CDH18: variants seen among roughly 807,000 people sequenced by gnomAD.
CDH18 encodes the protein cadherin-18.
Under a neutral mutation model 67.9 loss-of-function variants are expected in CDH18, and 31 were observed. That is an observed-to-expected ratio of 0.46 (90% CI 0.34 to 0.62). The LOEUF (loss-of-function observed/expected upper bound fraction) is 0.62. Among genes scored for constraint, CDH18 ranks in the 20% least tolerant of loss-of-function variants. The probability of loss-of-function intolerance (pLI) is 0.01; values close to 1 mark genes in which losing one functional copy is unlikely to be tolerated. For synonymous variants in CDH18, 362 were observed against 347.2 expected, an observed-to-expected ratio of 1.04 and a Z score of -0.48; for missense variants, 890 against 975.5, an observed-to-expected ratio of 0.91 and a Z score of 1.17.
chr5:19,890,228 T>C (rs1218762313), intron 2 of CDH18, among the ~76,000 whole-genome samples: 6 of 152,100 alleles, frequency 3.9e-5, no homozygotes, highest in Admixed American at 3.9e-4. Flanking sequence ...CCTTCTGCCA[T>C]ATCAGAGCAC....
intron 3 of CDH18, among the ~76,000 whole-genome samples, chr5:19,786,456 A>G (rs1384476209): frequency 6.6e-6 from 1 of 152,126 alleles, no homozygotes; most frequent in African/African-American, 2.4e-5. Flanking sequence ...TGAAAATATT[A>G]TTTTCTAATT....
intron 1 of CDH18, among the ~76,000 whole-genome samples, chr5:20,280,407 G>A (rs2126696634): frequency 1.3e-5 from 2 of 152,108 alleles, no homozygotes; most frequent in East Asian, 3.9e-4. Flanking sequence ...CCCTTCCTGT[G>A]ACCATGCGTC....
intron 2 of CDH18, among the ~76,000 whole-genome samples, chr5:19,993,204 G>A (rs1409832757): frequency 6.6e-6 from 1 of 152,114 alleles, no homozygotes; most frequent in Admixed American, 6.5e-5. Context: ...AAGTATGAAT[G>A]TATTAAATAT....
intron 2 of CDH18, among the ~76,000 whole-genome samples, chr5:20,198,164 A>G (rs1170090375): frequency 3.3e-5 from 5 of 152,208 alleles, no homozygotes; most frequent in Admixed American, 3.3e-4. Flanking sequence ...TTACTGAGTA[A>G]TGGGGCACTG....
chr5:19,629,621 A>G (rs1324461779), intron 5 of CDH18, among the ~76,000 whole-genome samples: 2 of 152,214 alleles, frequency 1.3e-5, no homozygotes, highest in Non-Finnish European at 2.9e-5. Context: ...CTTAATGAAT[A>G]TAAAACAATC....
At chr5:19,790,444 G>T (rs988784806) in intron 3 of CDH18, among the ~76,000 whole-genome samples, 3 of 152,098 alleles carry the variant, frequency 2.0e-5, no homozygotes, top group Admixed American at 6.6e-5. Context: ...AAGGTATATT[G>T]TATGTGCATT....
intron 1 of CDH18, among the ~76,000 whole-genome samples, chr5:20,537,750 A>T (rs1756810593): frequency 1.2e-5 from 1 of 83,666 alleles, no homozygotes; most frequent in Admixed American, 1.5e-4. Context: ...TATACAAAAA[A>T]AACTAGAGGA....
intron 2 of CDH18, among the ~76,000 whole-genome samples, chr5:20,165,943 T>A (rs756366637): frequency 2.0e-5 from 3 of 152,132 alleles, no homozygotes; most frequent in Admixed American, 1.3e-4. Context: ...AAAAAAACTG[T>A]GTCCATTTTT....
Position 20,534,514 on chromosome 5 carries a change from G to C in CDH18, c.-580+40948C>G, listed in dbSNP as rs140658797. Reference sequence around the variant, plus strand: ...TTCATCTTCATGAAGGCAATCAACTGTTTATGAGTAAAAAAAGGTCACTTT... The same window carrying C: ...TTCATCTTCATGAAGGCAATCAACTCTTTATGAGTAAAAAAAGGTCACTTT... On this transcript the variant is annotated intron_variant, in intron 1 of 14. Transcript: ENST00000507958. Among the ~76,000 whole-genome samples the C allele has an allele frequency of 4.8e-3, 723 of 152,074 alleles. 3 individuals carry two copies. Among genetic ancestry groups the C allele is most frequent in the African/African-American group, 0.016 (681 of 41,532 alleles).
chr5:20,178,876 A>G (rs1486886483), intron 2 of CDH18, among the ~76,000 whole-genome samples: 7 of 152,068 alleles, frequency 4.6e-5, no homozygotes, highest in Admixed American at 3.9e-4. Context: ...TTTTCAGGCA[A>G]TAAGTCATGT....
intron 1 of CDH18, among the ~76,000 whole-genome samples, chr5:20,350,638 G>A (rs2150056353): frequency 6.6e-6 from 1 of 152,152 alleles, no homozygotes; most frequent in East Asian, 1.9e-4. Context: ...ACACTGCTGT[G>A]TTTCATGACT....
intron 1 of CDH18, among the ~76,000 whole-genome samples, chr5:20,432,986 A>T (rs1285401996): frequency 6.8e-6 from 1 of 147,904 alleles, no homozygotes; most frequent in Non-Finnish European, 1.5e-5. Context: ...TAATAAATGT[A>T]TGTATACTAT....
chr5:20,256,741 AAG>A (rs1744261978), intron 1 of CDH18, among the ~76,000 whole-genome samples: 1 of 152,070 alleles, frequency 6.6e-6, no homozygotes, highest in African/African-American at 2.4e-5. Flanking sequence ...ACTGGTATCT[AAG>A]AGAAAAAAAT....
At chr5:19,608,934 T>C (rs1316846435) in intron 6 of CDH18, among the ~76,000 whole-genome samples, 1 of 151,874 alleles carries the variant, frequency 6.6e-6, no homozygotes, top group African/African-American at 2.4e-5. Context: ...TACAACAATA[T>C]AATTCCTTCC....
chr5:20,195,149 T>C (rs1170251010), intron 2 of CDH18, among the ~76,000 whole-genome samples: 1 of 152,078 alleles, frequency 6.6e-6, no homozygotes, highest in Admixed American at 6.6e-5. Context: ...ATTTTGTGTG[T>C]ACCCAATTAT....
chr5:19,893,820 T>C (rs186755707), intron 2 of CDH18, among the ~76,000 whole-genome samples: 42 of 152,274 alleles, frequency 2.8e-4, no homozygotes, highest in Admixed American at 2.7e-3. Context: ...GTGGTGGAAA[T>C]TGATTTCCAG....
intron 2 of CDH18, among the ~76,000 whole-genome samples, chr5:20,136,547 G>T (rs1749731093): frequency 6.6e-6 from 1 of 152,044 alleles, no homozygotes; most frequent in South Asian, 2.1e-4. Context: ...TATCCAATTT[G>T]CCAGTATGTA....
chr5:20,319,514 T>G (rs1370335183), intron 1 of CDH18, among the ~76,000 whole-genome samples: 1 of 152,222 alleles, frequency 6.6e-6, no homozygotes, highest in Non-Finnish European at 1.5e-5. Flanking sequence ...GTATTTTAAA[T>G]ACGTTTTCAT....
intron 4 of CDH18, among the ~76,000 whole-genome samples, chr5:19,728,916 CT>C (rs1246559466): frequency 2.2e-4 from 33 of 152,252 alleles, no homozygotes; most frequent in African/African-American, 7.7e-4. Context: ...TACAGGAGAA[CT>C]GTAATTTCAC....
Sources: gnomAD v4.1 joint callset for allele counts (sites outside exome capture counted in the v4.1 genomes callset) on GRCh38, gnomAD v4.1.1 for gene constraint, MANE v1.5 for transcripts, NCBI Gene and HGNC (gene_info 2026-07-23, HGNC 2026-07-21) for gene names.